Variants in DOCK1 observed in about 807,000 individuals in gnomAD.
DOCK1 encodes the protein dedicator of cytokinesis protein 1.
A neutral mutation model predicts 262.7 loss-of-function variants in DOCK1; 138 were observed. The observed-to-expected ratio is 0.53, with a 90% CI of 0.46 to 0.61. DOCK1 has a LOEUF of 0.61. Among genes scored for constraint, DOCK1 ranks in the 20% least tolerant of loss-of-function variants. DOCK1 has a pLI of 0.00. For synonymous variants in DOCK1, 866 were observed against 867.4 expected (o/e 1.00, Z 0.03); for missense variants, 1,908 against 2,370.7 (o/e 0.80, Z 4.05).
intron 35 of DOCK1, among the ~76,000 whole-genome samples, chr10:127,379,350 A>G (rs2065702338): frequency 6.6e-6 from 1 of 152,192 alleles, no homozygotes; most frequent in South Asian, 2.1e-4. Flanking sequence ...CAGTGTTTAT[A>G]CACAGGGGGC....
chr10:127,144,843 G>T (rs903775286), intron 27 of DOCK1, among the ~76,000 whole-genome samples: 2 of 152,122 alleles, frequency 1.3e-5, no homozygotes, highest in Non-Finnish European at 2.9e-5. Context: ...TATCACTGTA[G>T]GGCTTCAAAT....
chr10:127,099,470 C>T (rs578187110), intron 23 of DOCK1, among the ~76,000 whole-genome samples: 105 of 152,226 alleles, frequency 6.9e-4, no homozygotes, highest in South Asian at 4.6e-3. Context: ...ATTTTGGCCC[C>T]GGTTCTGCAG....
chr10:126,964,915 C>T (rs1222711961), intron 1 of DOCK1, among the ~76,000 whole-genome samples: 1 of 152,234 alleles, frequency 6.6e-6, no homozygotes, highest in African/African-American at 2.4e-5. Flanking sequence ...ACAAATGCTA[C>T]AGCTTTTGCT....
At chr10:127,232,630 TC>T (rs1430280742) in intron 27 of DOCK1, among the ~76,000 whole-genome samples, 3 of 152,202 alleles carry the variant, frequency 2.0e-5, no homozygotes, top group Non-Finnish European at 4.4e-5. Flanking sequence ...TGACCCTGTT[TC>T]CATTTAACCA....
At chr10:127,265,735 A>T (rs2060330542) in intron 29 of DOCK1, among the ~76,000 whole-genome samples, 1 of 152,164 alleles carries the variant, frequency 6.6e-6, no homozygotes, top group African/African-American at 2.4e-5. Context: ...CCTCACTTAT[A>T]AGTATTATCT....
intron 1 of DOCK1, among the ~76,000 whole-genome samples, chr10:126,942,223 C>A (rs1202041515): frequency 6.6e-6 from 1 of 152,112 alleles, no homozygotes; most frequent in East Asian, 1.9e-4. Context: ...CAGGGTTTCA[C>A]CATGTTAGCC....
At chr10:127,207,723 A>G (rs764967914) in intron 27 of DOCK1, among the ~76,000 whole-genome samples, 1 of 152,182 alleles carries the variant, frequency 6.6e-6, no homozygotes, top group African/African-American at 2.4e-5. Flanking sequence ...TTCAAAGGTC[A>G]TGAAAACCCA....
intron 44 of DOCK1, among the ~76,000 whole-genome samples, chr10:127,416,522 T>G (rs1341344066): frequency 6.6e-6 from 1 of 152,120 alleles, no homozygotes; most frequent in African/African-American, 2.4e-5. Context: ...GGATGCAGCT[T>G]CTCCTCGGGC....
intron 27 of DOCK1, among the ~76,000 whole-genome samples, chr10:127,211,274 A>G (rs112263518): frequency 6.6e-6 from 1 of 152,272 alleles, no homozygotes; most frequent in Non-Finnish European, 1.5e-5. Context: ...CAGGCAAGAC[A>G]TTGTCTCAGT....
At chr10:127,408,993 G>A (rs1404746393) in intron 40 of DOCK1, 44 bp from the exon 41 acceptor site, 1 of 1,548,160 alleles carries the variant, frequency 6.5e-7, no homozygotes, top group Non-Finnish European at 8.7e-7. Flanking sequence ...ACTCTTCCTG[G>A]CCCTTTCTCT....
intron 27 of DOCK1, among the ~76,000 whole-genome samples, chr10:127,213,363 C>CTA (rs1232185532): frequency 6.6e-6 from 1 of 152,136 alleles, no homozygotes; most frequent in Non-Finnish European, 1.5e-5. Flanking sequence ...GGTTCTATGC[C>CTA]TAGAATGTTC....
intron 35 of DOCK1, among the ~76,000 whole-genome samples, chr10:127,378,143 CTG>C (rs2065619189): frequency 6.6e-6 from 1 of 152,172 alleles, no homozygotes; most frequent in African/African-American, 2.4e-5. Context: ...CGTCCCATCT[CTG>C]TGACTGGTAG....
chr10:127,334,628 A>G (rs932299755), intron 29 of DOCK1, among the ~76,000 whole-genome samples: 1 of 152,190 alleles, frequency 6.6e-6, no homozygotes. Context: ...TTAGGTTGAC[A>G]TAATTTGCCT....
At chr10:127,276,712 G>T (rs992281603) in intron 29 of DOCK1, among the ~76,000 whole-genome samples, 7 of 152,130 alleles carry the variant, frequency 4.6e-5, no homozygotes, top group African/African-American at 1.7e-4. Flanking sequence ...AGAAATCATG[G>T]ATGCAGCAAA....
At chr10:126,982,007 GCA>G (rs1223983764) in intron 4 of DOCK1, 34 bp downstream of exon 4, 1 of 1,608,406 alleles carries the variant, frequency 6.2e-7, no homozygotes, top group Non-Finnish European at 8.5e-7. Flanking sequence ...ATGAAGAATT[GCA>G]AGTACTATAT....
intron 18 of DOCK1, among the ~76,000 whole-genome samples, chr10:127,034,392 C>G (rs1423296384): frequency 6.6e-6 from 1 of 152,116 alleles, no homozygotes; most frequent in Non-Finnish European, 1.5e-5. Context: ...GAGAACAGCA[C>G]AGGAAAGACC....
intron 25 of DOCK1, among the ~76,000 whole-genome samples, chr10:127,114,428 G>A (rs1453652221): frequency 6.6e-6 from 1 of 152,160 alleles, no homozygotes; most frequent in African/African-American, 2.4e-5. Context: ...TCATAGGGGA[G>A]AAAGGAGAGG....
chr10:127,290,338 A>G (rs1230530267), intron 29 of DOCK1, among the ~76,000 whole-genome samples: 1 of 152,184 alleles, frequency 6.6e-6, no homozygotes, highest in African/African-American at 2.4e-5. Context: ...GTTTAATACC[A>G]TGAAACTCCT....
chr10:127,321,565 C>T (rs972707768), intron 29 of DOCK1, among the ~76,000 whole-genome samples: 6 of 151,946 alleles, frequency 3.9e-5, no homozygotes, highest in East Asian at 2.0e-4. Flanking sequence ...ACCCCACTTT[C>T]ACCTGGGTCC....
Sources: gnomAD v4.1 joint callset for allele counts (sites outside exome capture counted in the v4.1 genomes callset) on GRCh38, gnomAD v4.1.1 for gene constraint, MANE v1.5 for transcripts, NCBI Gene and HGNC (gene_info 2026-07-23, HGNC 2026-07-21) for gene names.